ADK: variants seen among roughly 807,000 people sequenced by gnomAD.
ADK encodes N6,N6-dimethyladenosine kinase.
In ADK, 24 loss-of-function variants were observed where a neutral mutation model predicts 44.7. That is an observed-to-expected ratio of 0.54 (90% CI 0.39 to 0.76). The LOEUF (loss-of-function observed/expected upper bound fraction) is 0.76, where lower values mean the gene tolerates loss of function less well. ADK is among the 30% of genes least tolerant of loss of function. The probability of loss-of-function intolerance (pLI) is 0.00; values close to 1 mark genes in which losing one functional copy is unlikely to be tolerated. For synonymous variants in ADK, 128 were observed against 142.6 expected, an observed-to-expected ratio of 0.90 and a Z score of 0.73; for missense variants, 321 against 425.1, an observed-to-expected ratio of 0.76 and a Z score of 2.15.
intron 9 of ADK, among the ~76,000 whole-genome samples, chr10:74,614,099 A>T (rs12416316): frequency 6.6e-6 from 1 of 152,152 alleles, no homozygotes; most frequent in African/African-American, 2.4e-5. Flanking sequence ...TTGGTCAAAA[A>T]TAATTTAGAA....
intron 7 of ADK, among the ~76,000 whole-genome samples, chr10:74,547,739 A>T (rs1849888055): frequency 6.6e-6 from 1 of 151,388 alleles, no homozygotes; most frequent in African/African-American, 2.4e-5. Context: ...GCCCACCACA[A>T]CCTCCACCTC....
chr10:74,563,364 G>A (rs1850532186), intron 7 of ADK, among the ~76,000 whole-genome samples: 1 of 152,148 alleles, frequency 6.6e-6, no homozygotes, highest in South Asian at 2.1e-4. Flanking sequence ...AATTTATTAA[G>A]TCTCAAATAT....
At chr10:74,249,597 A>G (rs1206792127) in intron 3 of ADK, among the ~76,000 whole-genome samples, 1 of 152,174 alleles carries the variant, frequency 6.6e-6, no homozygotes, top group African/African-American at 2.4e-5. Flanking sequence ...ATAGGGCTTA[A>G]GTAGGAAATG....
intron 6 of ADK, among the ~76,000 whole-genome samples, chr10:74,402,976 A>T (rs1013141432): frequency 2.0e-5 from 3 of 152,074 alleles, no homozygotes; most frequent in African/African-American, 4.8e-5. Context: ...AATAGTCAGG[A>T]TCCTCAGCTG....
At chr10:74,703,875 G>A (rs552595584) in intron 10 of ADK, among the ~76,000 whole-genome samples, 2 of 150,772 alleles carry the variant, frequency 1.3e-5, no homozygotes, top group Non-Finnish European at 2.9e-5. Flanking sequence ...TGCAGAGAAA[G>A]AGTACATGCA....
At chr10:74,337,920 G>T (rs11001001) in intron 4 of ADK, among the ~76,000 whole-genome samples, 24,333 of 151,774 alleles carry the variant, frequency 0.16, 2,280 homozygotes, top group African/African-American at 0.26. Context: ...CTGCCACCAC[G>T]CTGGGCTACA....
At chr10:74,637,684 C>T (rs972817852) in intron 9 of ADK, among the ~76,000 whole-genome samples, 9 of 152,114 alleles carry the variant, frequency 5.9e-5, no homozygotes, top group Non-Finnish European at 1.0e-4. Context: ...AATTAGATAG[C>T]CATTTGTGGA....
intron 7 of ADK, among the ~76,000 whole-genome samples, chr10:74,565,028 C>T (rs1344388704): frequency 6.6e-6 from 1 of 152,164 alleles, no homozygotes; most frequent in African/African-American, 2.4e-5. Flanking sequence ...TCCAGATAGA[C>T]TTTTTACTCT....
intron 2 of ADK, among the ~76,000 whole-genome samples, chr10:74,223,596 G>A (rs556951511): frequency 1.3e-5 from 2 of 152,156 alleles, no homozygotes; most frequent in South Asian, 2.1e-4. Flanking sequence ...CCTGGGAATT[G>A]TTGTCCATTG....
intron 2 of ADK, among the ~76,000 whole-genome samples, chr10:74,205,191 C>T (rs919402899): frequency 6.6e-6 from 1 of 151,458 alleles, no homozygotes; most frequent in Non-Finnish European, 1.5e-5. Context: ...CTTCTTCTAT[C>T]TTTCTATTCT....
intron 7 of ADK, among the ~76,000 whole-genome samples, chr10:74,576,071 C>T (rs753456869): frequency 6.6e-6 from 1 of 151,874 alleles, no homozygotes; most frequent in Non-Finnish European, 1.5e-5. Flanking sequence ...AAGTTACCCC[C>T]CACCCCAGAG....
intron 1 of ADK, among the ~76,000 whole-genome samples, chr10:74,190,566 A>G (rs1363445938): frequency 6.6e-6 from 1 of 152,210 alleles, no homozygotes; most frequent in Non-Finnish European, 1.5e-5. Context: ...TGAAATGTTA[A>G]GCAATTGTAG....
chr10:74,622,210 A>G (rs1309265930), intron 9 of ADK, among the ~76,000 whole-genome samples: 3 of 152,098 alleles, frequency 2.0e-5, no homozygotes, highest in Non-Finnish European at 2.9e-5. Context: ...CTTACCACCC[A>G]CTAGAGATTG....
At chr10:74,540,345 A>G (rs1256403601) in intron 7 of ADK, among the ~76,000 whole-genome samples, 2 of 152,004 alleles carry the variant, frequency 1.3e-5, no homozygotes, top group Non-Finnish European at 2.9e-5. Context: ...TATTTGTTTC[A>G]GTTACTGTAC....
chr10:74,295,460 C>T (rs1411587830), intron 3 of ADK, among the ~76,000 whole-genome samples: 1 of 87,420 alleles, frequency 1.1e-5, no homozygotes, highest in African/African-American at 3.3e-5. Context: ...AAGACTCTGT[C>T]TCAAAAAAAA....
intron 3 of ADK, among the ~76,000 whole-genome samples, chr10:74,311,703 T>G (rs1840438635): frequency 6.6e-6 from 1 of 152,164 alleles, no homozygotes; most frequent in Non-Finnish European, 1.5e-5. Flanking sequence ...ATAATAGTAT[T>G]AAAACATAGG....
intron 9 of ADK, among the ~76,000 whole-genome samples, chr10:74,614,693 T>C (rs1852680669): frequency 6.6e-6 from 1 of 151,298 alleles, no homozygotes; most frequent in Non-Finnish European, 1.5e-5. Flanking sequence ...TTTCTTACTT[T>C]TTGACAACAT....
chr10:74,365,515 C>T (rs996839991), intron 4 of ADK, among the ~76,000 whole-genome samples: 2 of 152,166 alleles, frequency 1.3e-5, no homozygotes, highest in Non-Finnish European at 2.9e-5. Flanking sequence ...GTTATTCATT[C>T]ATCAATTGAT....
At chr10:74,619,288 CTACCAAAAA>C (rs1381104176) in intron 9 of ADK, among the ~76,000 whole-genome samples, 1 of 152,010 alleles carries the variant, frequency 6.6e-6, no homozygotes, top group Non-Finnish European at 1.5e-5. Context: ...AACCCTGACT[CTACCAAAAA>C]TAGAAAAATT....
Sources: gnomAD v4.1 joint callset for allele counts (sites outside exome capture counted in the v4.1 genomes callset) on GRCh38, gnomAD v4.1.1 for gene constraint, MANE v1.5 for transcripts, NCBI Gene and HGNC (gene_info 2026-07-23, HGNC 2026-07-21) for gene names.